GPC5: variants seen among roughly 807,000 people sequenced by gnomAD.
GPC5 encodes glypican-5.
Under a neutral mutation model 53.9 loss-of-function variants are expected in GPC5, and 47 were observed. The observed-to-expected ratio is 0.87, with a 90% confidence interval of 0.69 to 1.11. GPC5 has a LOEUF of 1.11. GPC5 is among the 50% of genes most tolerant of loss of function. The pLI is 0.00. For synonymous variants in GPC5, 286 were observed against 263.3 expected (o/e 1.09, Z -0.84); for missense variants, 748 against 713.1 (o/e 1.05, Z -0.56).
intron 5 of GPC5, among the ~76,000 whole-genome samples, chr13:91,843,866 A>G (rs969439170): frequency 6.6e-6 from 1 of 152,216 alleles, no homozygotes; most frequent in Non-Finnish European, 1.5e-5. Flanking sequence ...TGGTATAAGA[A>G]GTAAGAGAGC....
intron 7 of GPC5, among the ~76,000 whole-genome samples, chr13:92,613,622 TTTA>T (rs1884572917): frequency 1.5e-5 from 2 of 135,574 alleles, no homozygotes; most frequent in Admixed American, 8.3e-5. Flanking sequence ...TATTATTTTA[TTTA>T]TTATATTTTA....
At chr13:92,017,363 G>A (rs905623765) in intron 6 of GPC5, among the ~76,000 whole-genome samples, 1 of 151,996 alleles carries the variant, frequency 6.6e-6, no homozygotes, top group Non-Finnish European at 1.5e-5. Flanking sequence ...TGTACTCATT[G>A]GTCATCCCGG....
intron 2 of GPC5, among the ~76,000 whole-genome samples, chr13:91,510,666 G>C (rs1044920252): frequency 3.9e-5 from 6 of 152,014 alleles, no homozygotes; most frequent in African/African-American, 1.2e-4. Context: ...TTCCCAGAAA[G>C]GTTGTGTTAA....
At chr13:92,425,804 G>C (rs1272729278) in intron 7 of GPC5, among the ~76,000 whole-genome samples, 3 of 151,888 alleles carry the variant, frequency 2.0e-5, no homozygotes, top group African/African-American at 7.3e-5. Flanking sequence ...CAAAATATAT[G>C]TATATATTTT....
At chr13:92,218,921 C>G (rs540712529) in intron 7 of GPC5, among the ~76,000 whole-genome samples, 124 of 152,242 alleles carry the variant, frequency 8.1e-4, no homozygotes, top group African/African-American at 2.9e-3. Flanking sequence ...GAACCTGGAA[C>G]CAGAAATTAA....
intron 7 of GPC5, among the ~76,000 whole-genome samples, chr13:92,647,394 G>C (rs1885808274): frequency 3.9e-5 from 6 of 152,000 alleles, no homozygotes; most frequent in Admixed American, 3.9e-4. Flanking sequence ...CCTGTTTCAG[G>C]GCCAGGCAAT....
intron 1 of GPC5, among the ~76,000 whole-genome samples, chr13:91,448,509 C>T (rs1350091966): frequency 5.9e-5 from 9 of 152,154 alleles, no homozygotes; most frequent in Admixed American, 2.6e-4. Flanking sequence ...AATTTGCTTT[C>T]TATTGAGTGG....
At chr13:92,364,513 G>A (rs1231707425) in intron 7 of GPC5, among the ~76,000 whole-genome samples, 4 of 151,610 alleles carry the variant, frequency 2.6e-5, no homozygotes, top group African/African-American at 9.8e-5. Flanking sequence ...GGTGGATCAC[G>A]AGGTCAGGAG....
At chr13:91,566,954 C>A (rs1430389989) in intron 2 of GPC5, among the ~76,000 whole-genome samples, 4 of 118,850 alleles carry the variant, frequency 3.4e-5, no homozygotes, top group African/African-American at 7.0e-5. Context: ...TTTGAGAAAG[C>A]AAAATAAAAC....
At chr13:91,422,963 A>G (rs1043504973) in intron 1 of GPC5, among the ~76,000 whole-genome samples, 7 of 152,216 alleles carry the variant, frequency 4.6e-5, no homozygotes, top group Admixed American at 3.9e-4. Context: ...TTTCAACATG[A>G]GTTTCAGAGG....
intron 7 of GPC5, among the ~76,000 whole-genome samples, chr13:92,734,997 C>T (rs78009181): frequency 4.4e-4 from 67 of 151,860 alleles, no homozygotes; most frequent in Non-Finnish European, 7.5e-4. Flanking sequence ...ACAAAGGGCA[C>T]GTAAAACATA....
chr13:92,076,609 G>A (rs368190145), intron 6 of GPC5, among the ~76,000 whole-genome samples: 1 of 150,858 alleles, frequency 6.6e-6, no homozygotes, highest in African/African-American at 2.4e-5. Context: ...AAGGAGTCTG[G>A]GGAGTCATCC....
chr13:91,464,407 G>A (rs1380998494), intron 2 of GPC5, among the ~76,000 whole-genome samples: 1 of 152,104 alleles, frequency 6.6e-6, no homozygotes, highest in Non-Finnish European at 1.5e-5. Flanking sequence ...TTATGTTCAT[G>A]CATAGAACTA....
intron 7 of GPC5, among the ~76,000 whole-genome samples, chr13:92,315,208 T>A (rs1386531809): frequency 6.6e-6 from 1 of 152,186 alleles, no homozygotes. Flanking sequence ...GTGGAAATTC[T>A]CTCTGGGAAG....
At chr13:92,236,290 C>T (rs2042569117) in intron 7 of GPC5, among the ~76,000 whole-genome samples, 1 of 152,026 alleles carries the variant, frequency 6.6e-6, no homozygotes, top group South Asian at 2.1e-4. Context: ...AAACTTGTAC[C>T]TACAAATTTA....
chr13:92,125,319 A>G (rs780321818), intron 6 of GPC5, among the ~76,000 whole-genome samples: 14 of 152,224 alleles, frequency 9.2e-5, no homozygotes, highest in Admixed American at 3.3e-4. Context: ...AAATTGAAAC[A>G]ATAAATGTGT....
rs554768062 is a variant in GPC5 at position 92,724,223 on chromosome 13, ATAAGT to A, written c.1562-142056_1562-142052del. On this transcript the variant is annotated intron_variant, in intron 7 of 7. Coordinates refer to ENST00000377067, the MANE Select transcript of GPC5 (RefSeq NM_004466.6). Reference sequence around the variant, plus strand: ...TCAGTATAAGATATTTTTCTCAAAAATAAGTTAGGTTTTTATTTTTAAGCAAGCTA... The same window carrying A: ...TCAGTATAAGATATTTTTCTCAAAAATAGGTTTTTATTTTTAAGCAAGCTA... 3.3e-3 allele frequency among the ~76,000 whole-genome samples: 504 copies of A among 151,756 alleles called. 1 individual carries two copies. The highest frequency in any genetic ancestry group is 0.012 in the African/African-American group (490 of 41,516).
intron 7 of GPC5, among the ~76,000 whole-genome samples, chr13:92,570,332 G>GTTAACATTTTAAATAATTTAGA (rs1882987288): frequency 6.6e-6 from 1 of 151,870 alleles, no homozygotes; most frequent in Admixed American, 6.6e-5. Flanking sequence ...ATGATCTGTG[G>GTTAACATTTTAAATAATTTAGA]TTAACATTTT....
chr13:91,571,252 T>C (rs545195160), intron 2 of GPC5, among the ~76,000 whole-genome samples: 1 of 152,254 alleles, frequency 6.6e-6, no homozygotes, highest in South Asian at 2.1e-4. Context: ...GAGATAAACA[T>C]TTCTGATTTT....
Sources: allele counts gnomAD v4.1 joint callset (sites outside exome capture counted in the v4.1 genomes callset), GRCh38; gene constraint gnomAD v4.1.1; transcripts MANE v1.5; gene names NCBI Gene and HGNC (gene_info 2026-07-23, HGNC 2026-07-21).